The following ABCA2 variants were observed in gnomAD, a reference collection of about 807,000 sequenced individuals.
ABCA2 encodes ATP binding cassette subfamily A member 2, also known as ATP-binding cassette sub-family A member 2.
ABCA2 carries 84 observed loss-of-function variants against 262.8 expected under a neutral mutation model. That is an observed-to-expected ratio of 0.32 (90% CI 0.27 to 0.38). ABCA2 has a LOEUF of 0.38. Among genes scored for constraint, ABCA2 ranks in the 10% least tolerant of loss-of-function variants. The probability of loss-of-function intolerance (pLI) is 1.00; values close to 1 mark genes in which losing one functional copy is unlikely to be tolerated. For missense variants in ABCA2, 2,662 were observed against 3,405.9 expected (o/e 0.78, Z 5.44); for synonymous variants, 1,696 against 1,502.9 (o/e 1.13, Z -2.97).
At chr9:137,014,604 C>T (rs756239810) in intron 26 of ABCA2, 86 bp downstream of exon 26, 17 of 1,526,404 alleles carry the variant, frequency 1.1e-5, no homozygotes, top group African/African-American at 4.1e-5. Flanking sequence ...GGTGGCGCCC[C>T]CAGACACCAG....
At chr9:137,009,735 C>G (rs772050009) in intron 43 of ABCA2, 34 bp downstream of exon 43, 1 of 1,608,284 alleles carries the variant, frequency 6.2e-7, no homozygotes, top group African/African-American at 1.3e-5. Context: ...AAGTCAAAGG[C>G]CAGGCAGCCA....
At position 137,012,482 on chromosome 9, in the gene ABCA2, C is replaced by T. The variant is rs1199960124; in HGVS notation, c.5187+3G>A. 2.5e-6 allele frequency: 4 copies of T among 1,611,218 alleles called. No homozygotes were observed. The highest frequency in any genetic ancestry group is 1.7e-5 in the Admixed American group (1 of 60,000). ...CGGGGCCCAGGCCCGCAGCCTCGCTCACCTGGGCAGCCCTGCGCACCGCGA... is the reference window on the plus strand; with the variant it reads ...CGGGGCCCAGGCCCGCAGCCTCGCTTACCTGGGCAGCCCTGCGCACCGCGA... On this transcript the variant is annotated splice_donor_region_variant and intron_variant, in intron 32 of 48. Transcript: ENST00000341511.
At chr9:137,014,147 G>A in intron 27 of ABCA2, 21 bp downstream of exon 27, 1 of 1,600,826 alleles carries the variant, frequency 6.2e-7, no homozygotes, top group Non-Finnish European at 8.5e-7. Flanking sequence ...TGCTGTCCCA[G>A]CCTCACCCTG....
Position 137,012,695 on chromosome 9 carries a change from C to T in ABCA2, c.5081+17G>A, listed in dbSNP as rs778256268. 3.7e-6 allele frequency: 6 copies of T among 1,611,918 alleles called. No homozygotes were observed. In the East Asian group the frequency reaches 8.9e-5, roughly 24 times the overall value. On this transcript the variant is annotated intron_variant, in intron 31 of 48. Transcript: ENST00000341511. Reference sequence around the variant, plus strand: ...GTGGCCGGCCACCCTCACCCACAGCCTCCCCACCCAGCTCACCGGTGCAGT... The same window carrying T: ...GTGGCCGGCCACCCTCACCCACAGCTTCCCCACCCAGCTCACCGGTGCAGT...
upstream of ABCA2, chr9:137,028,778 G>C (rs1831755329): frequency 7.7e-7 from 1 of 1,291,308 alleles, no homozygotes; most frequent in Admixed American, 2.9e-5. The surrounding 1 kb of genome is among the most constrained non-coding windows in gnomAD (Gnocchi z 6.9). Context: ...CCAGCGGAAG[G>C]GGGGAAACTC....
chr9:137,016,083 T>G lies in ABCA2; in HGVS notation c.3196A>C (p.Asn1066His). The G allele has an allele frequency of 6.2e-7, 1 of 1,612,848 alleles. No homozygotes were observed. The highest frequency in any genetic ancestry group is 8.5e-7 in the Non-Finnish European group (1 of 1,179,996). ...IRTEMDEIRKNLGMCPQHNVL... is the reference protein window; with the variant it reads ...IRTEMDEIRKHLGMCPQHNVL... ...TTGTGCTGCGGGCACATGCCCAGGT[T>G]CTTGCGGATCTCATCCATCTCCGTG... Residue 1066 changes from asparagine to histidine, a missense_variant, in exon 22 of 49, where the codon AAC (asparagine) becomes CAC (histidine). Around this residue, in one of 12 missense-constraint regions of ABCA2, gnomAD observed 180 missense variants for 307.3 expected, o/e 0.59. Coordinates refer to ENST00000341511, the MANE Select transcript of ABCA2 (RefSeq NM_001606.5).
chr9:137,013,160 C>A lies in ABCA2; in HGVS notation c.4709G>T (p.Arg1570Leu). Residue 1570 changes from arginine to leucine, a missense_variant, in exon 30 of 49, where the codon CGG (arginine) becomes CTG (leucine). Physicochemically the swap from Arg to Leu is moderately radical, Grantham distance 102. Around this residue, in one of 12 missense-constraint regions of ABCA2, gnomAD observed 192 missense variants for 207.2 expected, o/e 0.93. Coordinates refer to ENST00000341511, the MANE Select transcript of ABCA2 (RefSeq NM_001606.5). ...CTCCAGACACATGCTGTCGAAGAAC[C>A]GAGCCGCCAGCAGGCGCGACTCCCC... ...SSGESRLLAA[R>L]FFDSMCLESF... The A allele has an allele frequency of 6.3e-7, 1 of 1,599,902 alleles. No homozygotes were observed. Among genetic ancestry groups the A allele is most frequent in the Non-Finnish European group, 8.5e-7 (1 of 1,175,328 alleles).
upstream of ABCA2, among the ~76,000 whole-genome samples, chr9:137,028,465 C>A (rs1363145247): frequency 6.6e-6 from 1 of 150,698 alleles, no homozygotes; most frequent in Non-Finnish European, 1.5e-5. This position sits in a 1 kb window ranked among gnomAD's most constrained non-coding sequence, Gnocchi z 6.9. Flanking sequence ...CCTCGCCGGG[C>A]GTCACGCGAC....
rs538225781 is a variant in ABCA2, at chr9:137,021,158, C to A, written c.898-97G>T. ...GCAGGGAGACAGCAGCAGGGAGACA[C>A]AAGCTAGGGGTGCTGGGAGGGAGTC... On this transcript the variant is annotated intron_variant, in intron 8 of 48. Coordinates refer to ENST00000341511, the MANE Select transcript of ABCA2 (RefSeq NM_001606.5). The surrounding 1 kb of genome is among the most constrained non-coding windows in gnomAD (Gnocchi z 6.0). 6 of 1,424,814 alleles carry A rather than the reference C, an allele frequency of 4.2e-6. No individual in the cohort carries two copies. Among genetic ancestry groups the A allele is most frequent in the East Asian group, 5.0e-5 (2 of 39,930 alleles). The allele number at this position is 1,424,814 out of a possible 1,614,324, so 88.3% of individuals were successfully genotyped here.
chr9:137,020,122 A>G (rs7038961), intron 10 of ABCA2: 52,513 of 624,268 alleles, frequency 0.084, 2,600 homozygotes, highest in African/African-American at 0.16. Flanking sequence ...GCCAGAGCAG[A>G]CTCTCCAGTG....
rs576788753 is a variant in ABCA2 at position 137,012,896 on chromosome 9, G to A, written c.4897C>T (p.Arg1633Cys). ...CAGCGGACGGGCTCCCGTACCAGGC[G>A]CGGCAGGGAGGGTGCCGACGTCCAC... ...EMWTSAPSLPRLVREPVRCTC... is the reference protein window; with the variant it reads ...EMWTSAPSLPCLVREPVRCTC... Residue 1633 changes from arginine to cysteine, a missense_variant, in exon 31 of 49, where the codon CGC becomes TGC. Physicochemically the swap from Arg to Cys is radical, Grantham distance 180 (BLOSUM62 -3). Around this residue, in one of 12 missense-constraint regions of ABCA2, gnomAD observed 192 missense variants for 207.2 expected, o/e 0.93. Coordinates refer to ENST00000341511, the MANE Select transcript of ABCA2 (RefSeq NM_001606.5). 1.7e-5 allele frequency: 26 copies of A among 1,555,964 alleles called. 1 individual carries two copies. The highest frequency in any genetic ancestry group is 1.1e-4 in the African/African-American group (8 of 73,682).
intron 45 of ABCA2, 90 bp downstream of exon 45, chr9:137,009,280 A>T: frequency 4.3e-6 from 4 of 927,014 alleles, no homozygotes; most frequent in Non-Finnish European, 5.8e-6. Context: ...CAGCCCTCAC[A>T]GCCCTGCAGC....
At position 137,013,850 on chromosome 9, in the gene ABCA2, G is replaced by A; in HGVS notation, c.4429C>T (p.Leu1477=). The change falls in exon 28 of 49, where the codon CTG becomes TTG. Residue 1477 remains leucine (L), a synonymous_variant. Coordinates refer to ENST00000341511, the MANE Select transcript of ABCA2 (RefSeq NM_001606.5). ...GGCCTACCAATCTCCGGGACGGACAGGGCCACGGTCATGGCCACGCAGACG... is the reference window on the plus strand; with the variant it reads ...GGCCTACCAATCTCCGGGACGGACAAGGCCACGGTCATGGCCACGCAGACG... ...FFVCVAMTVA[L]SVPEIGDLPP... 1.2e-6 allele frequency: 2 copies of A among 1,609,462 alleles called. No individual in the cohort carries two copies. The highest frequency in any genetic ancestry group is 1.7e-6 in the Non-Finnish European group (2 of 1,178,498).
intron 3 of ABCA2, chr9:137,023,485 G>A (rs1477939113): frequency 4.1e-6 from 3 of 732,904 alleles, no homozygotes; most frequent in Non-Finnish European, 7.5e-6. Context: ...GAAGGAGTAT[G>A]AAGGGAGAGT....
chr9:137,018,049 T>C lies in ABCA2; in HGVS notation c.2020A>G (p.Thr674Ala). ...TCCACCACATCGTGCCCCACAAAAG[T>C]GTCGATGATGGCGCGCTCCATCATG... ...QDMMERAIID[T>A]FVGHDVVEPG... Residue 674 changes from threonine (T) to alanine (A), a missense_variant, in exon 15 of 49, where the codon ACT becomes GCT. Physicochemically the swap from Thr to Ala is moderately conservative, Grantham distance 58. This residue lies in a region of ABCA2 where 188 missense variants were observed against 343.4 expected (regional missense o/e 0.55). Transcript: ENST00000341511. The C allele has an allele frequency of 1.2e-6, 2 of 1,612,578 alleles. No homozygotes were observed. Among genetic ancestry groups the C allele is most frequent in the Non-Finnish European group, 8.5e-7 (1 of 1,179,916 alleles).
chr9:137,017,229 A>G lies in ABCA2; in HGVS notation c.2520T>C (p.His840=). The G allele has an allele frequency of 6.2e-7, 1 of 1,612,434 alleles. No homozygotes were observed. The highest frequency in any genetic ancestry group is 8.5e-7 in the Non-Finnish European group (1 of 1,179,860). The stretch of plus-strand genomic sequence containing the variant: ...ACTTCTCGAAGGCCGTGATCTTATC[A>G]TGCGCCACCTCCTCTCGGATCGCCA... ...MYVAIREEVA[H]DKITAFEKCI... is the part of the protein sequence containing the mutation. Residue 840 remains histidine (H), a synonymous_variant, in exon 18 of 49, where the codon CAT becomes CAC. Transcript: ENST00000341511.
In ABCA2 at chr9:137,017,910, A is replaced by T. The variant is rs1831317790; in HGVS notation, c.2097-9T>A. 6.2e-7 allele frequency: 1 copy of T among 1,612,282 alleles called. No homozygotes were observed. Among genetic ancestry groups the T allele is most frequent in the Admixed American group, 1.7e-5 (1 of 59,980 alleles). ...CAATGACAAACAGGAAGCTGCGGGGAGGCCGCGCTCAGGCGCCACTCAGCC... is the reference window on the plus strand; with the variant it reads ...CAATGACAAACAGGAAGCTGCGGGGTGGCCGCGCTCAGGCGCCACTCAGCC... On this transcript the variant is annotated splice_polypyrimidine_tract_variant and intron_variant, in intron 15 of 48. Coordinates refer to ENST00000341511, the MANE Select transcript of ABCA2 (RefSeq NM_001606.5).
rs202177145 is a variant in ABCA2, at chr9:137,011,617, C to A, written c.5651+17G>T. 1.2e-3 allele frequency: 1,921 copies of A among 1,552,830 alleles called. 3 individuals are homozygous for A. The highest frequency in any genetic ancestry group is 1.6e-3 in the Non-Finnish European group (1,793 of 1,148,530). ...CCGGTCCCACCTGAGGCCGCTCCCC[C>A]CTCCGCTTCCGCTTACCCATAGAGC... On this transcript the variant is annotated intron_variant, in intron 36 of 48. Transcript: ENST00000341511. The surrounding 1 kb of genome is among the most constrained non-coding windows in gnomAD (Gnocchi z 8.8).
At chr9:137,013,688 C>T in intron 28 of ABCA2, 125 bp from the exon 29 acceptor site, 1 of 1,335,512 alleles carries the variant, frequency 7.5e-7, no homozygotes, top group Non-Finnish European at 1.0e-6. Flanking sequence ...GGAGACAGGA[C>T]TCCCGGATGA....
Sources: allele counts gnomAD v4.1 joint callset (sites outside exome capture counted in the v4.1 genomes callset), GRCh38; gene constraint gnomAD v4.1.1; regional missense constraint gnomAD v4.1.1; non-coding constraint Gnocchi (gnomAD v3.1); transcripts MANE v1.5; gene names NCBI Gene and HGNC (gene_info 2026-07-23, HGNC 2026-07-21).